Variants in CPQ observed in about 807,000 individuals in gnomAD.
CPQ encodes the protein carboxypeptidase Q.
In CPQ, 37 loss-of-function variants were observed where a neutral mutation model predicts 45.7. The observed-to-expected ratio is 0.81, with a 90% CI of 0.62 to 1.07. The LOEUF (loss-of-function observed/expected upper bound fraction) is 1.07, where lower values mean the gene tolerates loss of function less well. Ranked by LOEUF, CPQ falls within the 50% of genes least tolerant of loss-of-function variation. The pLI is 0.00. For missense variants in CPQ, 537 were observed against 572.9 expected, an observed-to-expected ratio of 0.94 and a Z score of 0.64; for synonymous variants, 186 against 205.8, an observed-to-expected ratio of 0.90 and a Z score of 0.82.
At chr8:97,135,183 G>A (rs1812029645) in intron 7 of CPQ, among the ~76,000 whole-genome samples, 1 of 152,174 alleles carries the variant, frequency 6.6e-6, no homozygotes, top group African/African-American at 2.4e-5. Context: ...TTTAGCCCAA[G>A]TTTGGAGATT....
In CPQ at chr8:96,914,862, G is replaced by A. The variant is rs369871799; in HGVS notation, c.849+34857G>A. On this transcript the variant is annotated intron_variant, in intron 4 of 7. Transcript: ENST00000220763. The stretch of plus-strand genomic sequence containing the variant: ...AAATTTGTTGATGTAAGCTGAAATT[G>A]TAGGTTAGATACTGACTTGTGGGAT... Among the ~76,000 whole-genome samples the A allele has an allele frequency of 2.6e-5, 4 of 152,226 alleles. No homozygotes were observed. In the East Asian group the frequency reaches 7.7e-4, roughly 29 times the overall value.
intron 6 of CPQ, among the ~76,000 whole-genome samples, chr8:97,036,037 G>A (rs918868750): frequency 6.6e-6 from 1 of 152,160 alleles, no homozygotes; most frequent in African/African-American, 2.4e-5. Context: ...TCGGTGTTCT[G>A]CTTTATGATT....
chr8:96,905,394 C>G (rs896402888), intron 4 of CPQ, among the ~76,000 whole-genome samples: 3 of 152,116 alleles, frequency 2.0e-5, no homozygotes, highest in Non-Finnish European at 4.4e-5. Context: ...CAGATGAAGG[C>G]ACAGTAGCTG....
intron 5 of CPQ, among the ~76,000 whole-genome samples, chr8:96,988,723 G>C (rs1255135323): frequency 6.6e-6 from 1 of 152,190 alleles, no homozygotes; most frequent in Non-Finnish European, 1.5e-5. Flanking sequence ...TTAAAAAGCA[G>C]AGACTTGCTA....
intron 5 of CPQ, among the ~76,000 whole-genome samples, chr8:97,026,042 T>A (rs1193645952): frequency 6.6e-6 from 1 of 152,186 alleles, no homozygotes; most frequent in Non-Finnish European, 1.5e-5. Flanking sequence ...ACAGGTTAGA[T>A]AAAATCTGTG....
At chr8:96,885,817 T>A (rs1812298574) in intron 4 of CPQ, among the ~76,000 whole-genome samples, 1 of 151,816 alleles carries the variant, frequency 6.6e-6, no homozygotes, top group Non-Finnish European at 1.5e-5. Flanking sequence ...TGAAACCCCA[T>A]CTCTACTAAA....
chr8:96,719,341 T>C (rs1809731070), intron 1 of CPQ, among the ~76,000 whole-genome samples: 1 of 152,218 alleles, frequency 6.6e-6, no homozygotes, highest in South Asian at 2.1e-4. Context: ...GCTAAGTTCC[T>C]CATTGCCCAG....
intron 7 of CPQ, among the ~76,000 whole-genome samples, chr8:97,109,901 C>A (rs1426688274): frequency 2.0e-5 from 3 of 152,154 alleles, no homozygotes; most frequent in African/African-American, 7.2e-5. Flanking sequence ...CCAAAAAATT[C>A]TTTAAGGGTT....
At chr8:96,710,383 G>T (rs1298979274) in intron 1 of CPQ, among the ~76,000 whole-genome samples, 2 of 151,854 alleles carry the variant, frequency 1.3e-5, no homozygotes, top group East Asian at 3.9e-4. Context: ...CTTTTCTTCT[G>T]CTAGCTTTGG....
At chr8:97,122,837 A>G (rs895747662) in intron 7 of CPQ, among the ~76,000 whole-genome samples, 2 of 148,772 alleles carry the variant, frequency 1.3e-5, no homozygotes, top group Non-Finnish European at 3.0e-5. Flanking sequence ...GTGAGCCAAT[A>G]TCACACCACT....
chr8:96,872,642 C>T (rs1433339580), intron 3 of CPQ, among the ~76,000 whole-genome samples: 1 of 151,750 alleles, frequency 6.6e-6, no homozygotes, highest in Non-Finnish European at 1.5e-5. Context: ...AAAGAAAACT[C>T]GACTAATGGT....
At chr8:96,666,044 A>G (rs1808921154) in intron 1 of CPQ, among the ~76,000 whole-genome samples, 1 of 152,120 alleles carries the variant, frequency 6.6e-6, no homozygotes, top group Non-Finnish European at 1.5e-5. Flanking sequence ...GGAGTGAGGG[A>G]AAGAGCCTTT....
intron 1 of CPQ, among the ~76,000 whole-genome samples, chr8:96,660,768 G>A (rs1815692333): frequency 6.6e-6 from 1 of 151,980 alleles, no homozygotes; most frequent in Admixed American, 6.6e-5. Flanking sequence ...TTTTTTAACT[G>A]AAAATTCTCT....
At chr8:96,726,581 A>C (rs1809843278) in intron 1 of CPQ, among the ~76,000 whole-genome samples, 1 of 152,072 alleles carries the variant, frequency 6.6e-6, no homozygotes, top group South Asian at 2.1e-4. Context: ...ACACACTCTT[A>C]AATGACCCAT....
At chr8:96,967,229 G>T (rs1813581806) in intron 5 of CPQ, among the ~76,000 whole-genome samples, 1 of 152,160 alleles carries the variant, frequency 6.6e-6, no homozygotes, top group Admixed American at 6.5e-5. Flanking sequence ...AATGATTTTG[G>T]ACATTAATTT....
chr8:96,961,928 A>T (rs1813467347), intron 4 of CPQ, among the ~76,000 whole-genome samples: 1 of 152,080 alleles, frequency 6.6e-6, no homozygotes, highest in African/African-American at 2.4e-5. Flanking sequence ...TTCATCTCAT[A>T]ATCAGGTGGA....
At chr8:97,101,572 C>CTTTTTTTTTTTTTTTTTTTTTT (rs5893410) in intron 7 of CPQ, among the ~76,000 whole-genome samples, 1 of 114,212 alleles carries the variant, frequency 8.8e-6, no homozygotes, top group African/African-American at 3.3e-5. Flanking sequence ...TTTCTTTTTT[C>CTTTTTTTTTTTTTTTTTTTTTT]TTTTTTTTTT....
intron 7 of CPQ, among the ~76,000 whole-genome samples, chr8:97,091,445 G>A (rs1049767422): frequency 1.3e-5 from 2 of 152,166 alleles, no homozygotes; most frequent in Admixed American, 6.6e-5. Context: ...CAGATGGCAT[G>A]GTTTCTTTAA....
intron 1 of CPQ, among the ~76,000 whole-genome samples, chr8:96,711,212 A>T (rs1284606996): frequency 6.6e-6 from 1 of 152,122 alleles, no homozygotes; most frequent in African/African-American, 2.4e-5. Flanking sequence ...AGTTTATTAG[A>T]ACCCTTACAT....
Sources: gnomAD v4.1 joint callset for allele counts (sites outside exome capture counted in the v4.1 genomes callset) on GRCh38, gnomAD v4.1.1 for gene constraint, MANE v1.5 for transcripts, NCBI Gene and HGNC (gene_info 2026-07-23, HGNC 2026-07-21) for gene names.